CNTN4: variants seen among roughly 807,000 people sequenced by gnomAD.
CNTN4 encodes the protein contactin-4.
A neutral mutation model predicts 122.5 loss-of-function variants in CNTN4; 77 were observed. That is an observed-to-expected ratio of 0.63 (90% CI 0.52 to 0.76). The LOEUF is 0.76. CNTN4 is among the 30% of genes least tolerant of loss of function. The pLI, the probability that CNTN4 is intolerant of heterozygous loss-of-function variation, is 0.00. For synonymous variants in CNTN4, 512 were observed against 447.0 expected (o/e 1.15, Z -1.83); for missense variants, 1,256 against 1,259.1 (o/e 1.00, Z 0.04).
chr3:2,370,836 T>TC (rs970871210), intron 3 of CNTN4, among the ~76,000 whole-genome samples: 1 of 152,082 alleles, frequency 6.6e-6, no homozygotes, highest in Non-Finnish European at 1.5e-5. Context: ...ACATGGTGCA[T>TC]CCCCCCACCT....
At chr3:2,843,488 T>C (rs2093400011) in intron 7 of CNTN4, among the ~76,000 whole-genome samples, 1 of 152,196 alleles carries the variant, frequency 6.6e-6, no homozygotes, top group Admixed American at 6.5e-5. Context: ...GTTTGAATTA[T>C]TTGTCCCTGC....
intron 2 of CNTN4, among the ~76,000 whole-genome samples, chr3:2,295,699 G>A (rs374179475): frequency 2.0e-5 from 3 of 152,002 alleles, no homozygotes; most frequent in South Asian, 2.1e-4. Flanking sequence ...CCATTTGTCA[G>A]TTTTGTCTTT....
chr3:2,448,432 GT>G (rs2048704090), intron 3 of CNTN4, among the ~76,000 whole-genome samples: 1 of 152,216 alleles, frequency 6.6e-6, no homozygotes, highest in Non-Finnish European at 1.5e-5. Flanking sequence ...GTGATAGGGA[GT>G]TGTGTGCAGT....
At chr3:2,287,787 G>A (rs2041996589) in intron 2 of CNTN4, among the ~76,000 whole-genome samples, 1 of 151,408 alleles carries the variant, frequency 6.6e-6, no homozygotes, top group Admixed American at 6.6e-5. Context: ...AGGAGAAGAA[G>A]AGGAGGAAGG....
At chr3:2,616,663 T>A (rs1202604372) in intron 4 of CNTN4, among the ~76,000 whole-genome samples, 1 of 152,140 alleles carries the variant, frequency 6.6e-6, no homozygotes, top group African/African-American at 2.4e-5. Context: ...TTTTTAATAA[T>A]CGCCATTCTG....
chr3:2,180,249 A>G (rs2036954594), intron 2 of CNTN4, among the ~76,000 whole-genome samples: 1 of 152,172 alleles, frequency 6.6e-6, no homozygotes, highest in Non-Finnish European at 1.5e-5. Flanking sequence ...TGGAACTAAC[A>G]TTAAGGGACT....
intron 4 of CNTN4, among the ~76,000 whole-genome samples, chr3:2,652,541 G>A (rs1484592830): frequency 6.6e-6 from 1 of 152,160 alleles, no homozygotes; most frequent in Non-Finnish European, 1.5e-5. Context: ...GGTCTGTGAG[G>A]TAGATGGAAT....
chr3:2,246,255 A>G (rs1156837975), intron 2 of CNTN4, among the ~76,000 whole-genome samples: 1 of 152,060 alleles, frequency 6.6e-6, no homozygotes, highest in African/African-American at 2.4e-5. Flanking sequence ...TGTGGCTGAG[A>G]TACAGTAAAG....
intron 2 of CNTN4, among the ~76,000 whole-genome samples, chr3:2,123,435 T>A (rs2033923170): frequency 6.6e-6 from 1 of 152,218 alleles, no homozygotes; most frequent in Non-Finnish European, 1.5e-5. Flanking sequence ...GTTTTTCTGG[T>A]CAGTATCCAG....
At chr3:2,947,817 T>C (rs2151566624) in intron 13 of CNTN4, among the ~76,000 whole-genome samples, 1 of 152,324 alleles carries the variant, frequency 6.6e-6, no homozygotes, top group East Asian at 1.9e-4. Context: ...CCTACACAGC[T>C]GATTGTCAGC....
At chr3:2,951,321 A>C (rs1044075953) in intron 13 of CNTN4, among the ~76,000 whole-genome samples, 2 of 152,176 alleles carry the variant, frequency 1.3e-5, no homozygotes, top group Non-Finnish European at 2.9e-5. Context: ...TTAGATTCTC[A>C]TAAGGGGCAT....
chr3:2,744,166 G>T (rs989455849), intron 5 of CNTN4, among the ~76,000 whole-genome samples: 1 of 152,194 alleles, frequency 6.6e-6, no homozygotes, highest in African/African-American at 2.4e-5. Context: ...ATTGAAAGGG[G>T]TGTCACTGCA....
chr3:2,338,638 G>T (rs1241643671), intron 2 of CNTN4, among the ~76,000 whole-genome samples: 1 of 151,800 alleles, frequency 6.6e-6, no homozygotes. Context: ...AATAAATTTA[G>T]TTCTTCAGGG....
chr3:2,615,875 C>G (rs1242715426), intron 4 of CNTN4, among the ~76,000 whole-genome samples: 1 of 152,130 alleles, frequency 6.6e-6, no homozygotes, highest in African/African-American at 2.4e-5. Flanking sequence ...TCTGCTACAG[C>G]TACCATCAAA....
At chr3:2,121,913 C>A (rs1354718813) in intron 2 of CNTN4, among the ~76,000 whole-genome samples, 1 of 152,076 alleles carries the variant, frequency 6.6e-6, no homozygotes, top group Non-Finnish European at 1.5e-5. Flanking sequence ...CACCTGTAAT[C>A]CCAGCACTTT....
At chr3:2,836,805 T>TA (rs944286202) in intron 7 of CNTN4, among the ~76,000 whole-genome samples, 1 of 151,116 alleles carries the variant, frequency 6.6e-6, no homozygotes, top group African/African-American at 2.4e-5. Context: ...TTAGGAGAAA[T>TA]ACGTAATGTA....
chr3:2,517,020 A>G (rs989440596), intron 3 of CNTN4, among the ~76,000 whole-genome samples: 1 of 152,152 alleles, frequency 6.6e-6, no homozygotes, highest in African/African-American at 2.4e-5. Context: ...TCTGCAAAGG[A>G]AAATTGTGAG....
chr3:2,713,704 G>A (rs2087296673), intron 4 of CNTN4, among the ~76,000 whole-genome samples: 1 of 152,178 alleles, frequency 6.6e-6, no homozygotes, highest in South Asian at 2.1e-4. Context: ...GGGGTAGCGT[G>A]TCCTGAACCT....
intron 4 of CNTN4, among the ~76,000 whole-genome samples, chr3:2,623,698 T>C (rs932171363): frequency 2.0e-5 from 3 of 152,120 alleles, no homozygotes; most frequent in African/African-American, 7.2e-5. Context: ...ACACGGTAGC[T>C]TGGATGCATC....
Sources: allele counts gnomAD v4.1 joint callset (sites outside exome capture counted in the v4.1 genomes callset), GRCh38; gene constraint gnomAD v4.1.1; transcripts MANE v1.5; gene names NCBI Gene and HGNC (gene_info 2026-07-23, HGNC 2026-07-21).